TRAPPC12: variants seen among roughly 807,000 people sequenced by gnomAD.
The protein encoded by TRAPPC12 is TPR repeat protein 15.
A neutral mutation model predicts 69.2 loss-of-function variants in TRAPPC12; 61 were observed. That is an observed-to-expected ratio of 0.88 (90% CI 0.72 to 1.09). The LOEUF (loss-of-function observed/expected upper bound fraction) is 1.09, where lower values mean the gene tolerates loss of function less well. TRAPPC12 is among the 50% of genes least tolerant of loss of function. The pLI is 0.00. For synonymous variants in TRAPPC12, 469 were observed against 438.9 expected (o/e 1.07, Z -0.86); for missense variants, 1,101 against 1,016.4 (o/e 1.08, Z -1.13).
intron 7 of TRAPPC12, chr2:3,458,053 C>T (rs565685728): frequency 4.7e-5 from 17 of 359,746 alleles, no homozygotes; most frequent in Middle Eastern, 2.0e-3. Flanking sequence ...GAGGCCTCTG[C>T]GTCGGGGACA....
chr2:3,379,713 G>C lies in TRAPPC12; in HGVS notation c.-168G>C, dbSNP rs1460247510. ...GGCAGGGCCTCGGGTTCCTGCATCG[G>C]GCCTGAGCAGAACTAGGCGCGCCGC... On this transcript the variant is annotated 5_prime_UTR_variant, in exon 1 of 12. Transcript: ENST00000324266. 1 of 152,340 alleles carries C rather than the reference G, an allele frequency of 6.6e-6. No homozygotes were observed. Among genetic ancestry groups the C allele is most frequent in the Non-Finnish European group, 1.5e-5 (1 of 68,126 alleles). The allele number at this position is 152,340 out of a possible 1,614,324, so 9.4% of individuals were successfully genotyped here.
At chr2:3,467,001 T>G (rs1665845554) in intron 9 of TRAPPC12, among the ~76,000 whole-genome samples, 1 of 152,180 alleles carries the variant, frequency 6.6e-6, no homozygotes, top group Non-Finnish European at 1.5e-5. Flanking sequence ...AGAGTCATAT[T>G]TTGCACAATT....
At chr2:3,439,507 C>G (rs1466828398) in intron 5 of TRAPPC12, among the ~76,000 whole-genome samples, 1 of 152,168 alleles carries the variant, frequency 6.6e-6, no homozygotes, top group African/African-American at 2.4e-5. Flanking sequence ...AGCCTCCCCG[C>G]GTGCTGGGAT....
Position 3,414,560 on chromosome 2 carries a change from C to G in TRAPPC12, c.1165-7321C>G, listed in dbSNP as rs573705515. Among the ~76,000 whole-genome samples the G allele has an allele frequency of 1.5e-3, 227 of 151,850 alleles. No homozygotes were observed. The highest frequency in any genetic ancestry group is 2.6e-3 in the Non-Finnish European group (177 of 67,924). The stretch of plus-strand genomic sequence containing the variant: ...CCCTGACCCCATCCCCCAGCTGTCC[C>G]CGCTGTGCAGTGCCTTGAACGTGCT... On this transcript the variant is annotated intron_variant, in intron 3 of 11. Coordinates refer to ENST00000324266, the MANE Select transcript of TRAPPC12 (RefSeq NM_016030.6). This position sits in a 1 kb window ranked among gnomAD's most constrained non-coding sequence, Gnocchi z 4.9.
chr2:3,406,001 C>T (rs1661708756), intron 3 of TRAPPC12, among the ~76,000 whole-genome samples: 1 of 152,164 alleles, frequency 6.6e-6, no homozygotes, highest in Admixed American at 6.5e-5. Context: ...GGCGGGAATC[C>T]CGAGAGCTCC....
intron 5 of TRAPPC12, among the ~76,000 whole-genome samples, chr2:3,434,826 G>A (rs1327310120): frequency 6.6e-6 from 1 of 152,200 alleles, no homozygotes; most frequent in African/African-American, 2.4e-5. Context: ...AGGAGAGGTG[G>A]CAGCGTGAGG....
chr2:3,428,164 GA>G (rs1162875389), intron 5 of TRAPPC12, among the ~76,000 whole-genome samples: 2 of 152,184 alleles, frequency 1.3e-5, no homozygotes, highest in Non-Finnish European at 2.9e-5. Flanking sequence ...GTCAAGCCTA[GA>G]AAACATGCTT....
At chr2:3,447,871 C>G (rs560558729) in intron 6 of TRAPPC12, among the ~76,000 whole-genome samples, 2 of 152,160 alleles carry the variant, frequency 1.3e-5, no homozygotes, top group South Asian at 4.1e-4. Context: ...TTTCCCAGAC[C>G]TTCACAACTC....
chr2:3,402,591 G>A (rs780878633), intron 3 of TRAPPC12, among the ~76,000 whole-genome samples: 84 of 152,270 alleles, frequency 5.5e-4, no homozygotes, highest in Admixed American at 3.3e-4. Context: ...GCGAGACTCC[G>A]TCTCAAAAAA....
chr2:3,464,821 G>A (rs1382694480), intron 8 of TRAPPC12, among the ~76,000 whole-genome samples: 1 of 152,246 alleles, frequency 6.6e-6, no homozygotes, highest in Non-Finnish European at 1.5e-5. Flanking sequence ...GGCTGTGATG[G>A]GCCGGCATGA....
chr2:3,430,998 C>T (rs1039767598), intron 5 of TRAPPC12, among the ~76,000 whole-genome samples: 2 of 152,162 alleles, frequency 1.3e-5, no homozygotes, highest in Non-Finnish European at 2.9e-5. Flanking sequence ...TTGCTGGGAC[C>T]GTCCGCTGGG....
At chr2:3,392,092 G>A (rs1264522363) in intron 2 of TRAPPC12, among the ~76,000 whole-genome samples, 1 of 152,144 alleles carries the variant, frequency 6.6e-6, no homozygotes, top group African/African-American at 2.4e-5. Flanking sequence ...AAGGGCTGGG[G>A]TGAGCATATG....
At position 3,380,299 on chromosome 2, in the gene TRAPPC12, C is replaced by CT. The variant is rs1360085894; in HGVS notation, c.-5+424dup. On this transcript the variant is annotated intron_variant, in intron 1 of 11. Transcript: ENST00000324266. ...TTCACCCTCCCGCGGAAAGAGGTTA[C>CT]TAATGACCTGCCCTGCCAAACTCAG... Among the ~76,000 whole-genome samples the CT allele has an allele frequency of 2.0e-5, 3 of 152,242 alleles. No homozygotes were observed. In the East Asian group the frequency reaches 5.8e-4, roughly 29 times the overall value.
chr2:3,424,893 G>A (rs1663009952), intron 5 of TRAPPC12, among the ~76,000 whole-genome samples: 1 of 152,254 alleles, frequency 6.6e-6, no homozygotes, highest in African/African-American at 2.4e-5. Flanking sequence ...GCAGCTACGT[G>A]TCAAGCACCT....
chr2:3,382,420 A>G (rs1347908853), intron 1 of TRAPPC12, among the ~76,000 whole-genome samples: 1 of 152,106 alleles, frequency 6.6e-6, no homozygotes, highest in Non-Finnish European at 1.5e-5. Flanking sequence ...GATGTGAGCC[A>G]CCACGCCCAG....
chr2:3,442,226 T>G (rs1664260971), intron 5 of TRAPPC12, among the ~76,000 whole-genome samples: 1 of 152,254 alleles, frequency 6.6e-6, no homozygotes, highest in South Asian at 2.1e-4. Flanking sequence ...AAGTTGGGTT[T>G]GAGAACTTCC....
At chr2:3,383,892 T>A (rs1223785876) in intron 1 of TRAPPC12, among the ~76,000 whole-genome samples, 45 of 24,950 alleles carry the variant, frequency 1.8e-3, no homozygotes, top group African/African-American at 8.5e-3. Context: ...TTTTTTTTTT[T>A]TTTTTTTTTT....
At chr2:3,455,357 T>C (rs1342279924) in intron 6 of TRAPPC12, 1 of 152,234 alleles carries the variant, frequency 6.6e-6, no homozygotes, top group Non-Finnish European at 1.5e-5. Context: ...CATTGATCCT[T>C]TGTGTTGCAA....
At chr2:3,446,547 A>AACTTCCTCGCTC (rs1664518043) in intron 6 of TRAPPC12, among the ~76,000 whole-genome samples, 1 of 152,214 alleles carries the variant, frequency 6.6e-6, no homozygotes, top group South Asian at 2.1e-4. Context: ...CACCGTCGCC[A>AACTTCCTCGCTC]ACTTCCTCGC....
Sources: allele counts gnomAD v4.1 joint callset (sites outside exome capture counted in the v4.1 genomes callset), GRCh38; gene constraint gnomAD v4.1.1; non-coding constraint Gnocchi (gnomAD v3.1); transcripts MANE v1.5; gene names NCBI Gene and HGNC (gene_info 2026-07-23, HGNC 2026-07-21).